CHSY3: variants seen among roughly 807,000 people sequenced by gnomAD.
CHSY3 encodes chondroitin sulfate synthase 3, also known as N-acetylgalactosaminyl-proteoglycan 3-beta-glucuronosyltransferase 3.
CHSY3 carries 35 observed loss-of-function variants against 67.2 expected under a neutral mutation model. That is an observed-to-expected ratio of 0.52 (90% CI 0.40 to 0.69). CHSY3 has a LOEUF of 0.69. CHSY3 is among the 30% of genes least tolerant of loss of function. The pLI is 0.00. For synonymous variants in CHSY3, 474 were observed against 434.7 expected (o/e 1.09, Z -1.12); for missense variants, 1,069 against 1,138.5 (o/e 0.94, Z 0.88).
intron 2 of CHSY3, among the ~76,000 whole-genome samples, chr5:130,183,760 G>A (rs1370100214): frequency 2.0e-5 from 3 of 152,078 alleles, no homozygotes; most frequent in African/African-American, 4.8e-5. Context: ...GCTGGAGAGA[G>A]GGGTTGGGGA....
intron 2 of CHSY3, among the ~76,000 whole-genome samples, chr5:129,932,961 T>C (rs1761364962): frequency 6.6e-6 from 1 of 152,192 alleles, no homozygotes; most frequent in African/African-American, 2.4e-5. Flanking sequence ...AGCTAGTTTA[T>C]CACCTTGCTT....
chr5:130,011,210 A>G (rs1030872530), intron 2 of CHSY3, among the ~76,000 whole-genome samples: 1 of 152,204 alleles, frequency 6.6e-6, no homozygotes, highest in Non-Finnish European at 1.5e-5. Context: ...ATGGGCCTAG[A>G]TGCAGAAGTG....
intron 2 of CHSY3, among the ~76,000 whole-genome samples, chr5:130,123,188 A>G (rs113233448): frequency 0.012 from 1,790 of 152,318 alleles, 24 homozygotes; most frequent in African/African-American, 0.039. Flanking sequence ...AAATAAAACT[A>G]TAGTAATTTG....
At chr5:130,136,299 C>T (rs1347506066) in intron 2 of CHSY3, among the ~76,000 whole-genome samples, 1 of 152,144 alleles carries the variant, frequency 6.6e-6, no homozygotes, top group Non-Finnish European at 1.5e-5. Flanking sequence ...AGGCAAAAAT[C>T]AGCATAATGT....
intron 2 of CHSY3, among the ~76,000 whole-genome samples, chr5:130,012,267 G>GT (rs1157661937): frequency 6.6e-6 from 1 of 152,102 alleles, no homozygotes; most frequent in Non-Finnish European, 1.5e-5. Flanking sequence ...ACTGGGACAG[G>GT]TTAAATAACC....
At chr5:130,070,104 A>G (rs1766010811) in intron 2 of CHSY3, among the ~76,000 whole-genome samples, 1 of 152,084 alleles carries the variant, frequency 6.6e-6, no homozygotes, top group African/African-American at 2.4e-5. Flanking sequence ...ACATAATGAA[A>G]AATCAGATCT....
At chr5:130,119,042 G>T (rs142600994) in intron 2 of CHSY3, among the ~76,000 whole-genome samples, 1 of 152,120 alleles carries the variant, frequency 6.6e-6, no homozygotes, top group Non-Finnish European at 1.5e-5. Flanking sequence ...TGACTTAGAG[G>T]CAAAGGATAT....
chr5:130,015,370 C>T (rs1462214161), intron 2 of CHSY3, among the ~76,000 whole-genome samples: 1 of 151,902 alleles, frequency 6.6e-6, no homozygotes, highest in African/African-American at 2.4e-5. Context: ...TGGACTAATA[C>T]AGGAACTTAA....
At chr5:130,002,272 G>A (rs1248747225) in intron 2 of CHSY3, 1 of 153,880 alleles carries the variant, frequency 6.5e-6, no homozygotes, top group African/African-American at 2.4e-5. Context: ...AGGCATGGCT[G>A]CCTCGGATCC....
At chr5:130,172,658 T>G (rs758479091) in intron 2 of CHSY3, among the ~76,000 whole-genome samples, 5 of 152,204 alleles carry the variant, frequency 3.3e-5, no homozygotes, top group Non-Finnish European at 5.9e-5. Flanking sequence ...AGTGTACAAT[T>G]CAGTAGTATC....
chr5:130,124,857 A>C (rs1333430236), intron 2 of CHSY3, among the ~76,000 whole-genome samples: 9 of 152,206 alleles, frequency 5.9e-5, no homozygotes. Context: ...ATAATAAAAA[A>C]AGAGTTAAAA....
chr5:130,143,806 G>A (rs867819921), intron 2 of CHSY3, among the ~76,000 whole-genome samples: 928 of 41,012 alleles, frequency 0.023, 18 homozygotes, highest in East Asian at 0.046. Context: ...ATATATATAT[G>A]TGTGTATATA....
chr5:130,100,581 A>T (rs1168212687), intron 2 of CHSY3, among the ~76,000 whole-genome samples: 1 of 152,170 alleles, frequency 6.6e-6, no homozygotes, highest in Non-Finnish European at 1.5e-5. Flanking sequence ...TTGAAATGAC[A>T]AAGTCAAATT....
chr5:130,164,657 T>C lies in CHSY3; in HGVS notation c.1087-19572T>C, dbSNP rs149536332. Among the ~76,000 whole-genome samples, 619 of 152,210 alleles carry C rather than the reference T, an allele frequency of 4.1e-3. 7 individuals are homozygous for C. Among genetic ancestry groups the C allele is most frequent in the South Asian group, 0.035 (168 of 4,816 alleles). On this transcript the variant is annotated intron_variant, in intron 2 of 2. Transcript: ENST00000305031. ...TGTGATGTGCATTGAGTCTCTCTTCTCAGACAGCTCTGCCCTGCACCATTT... is the reference window on the plus strand; with the variant it reads ...TGTGATGTGCATTGAGTCTCTCTTCCCAGACAGCTCTGCCCTGCACCATTT...
intron 2 of CHSY3, among the ~76,000 whole-genome samples, chr5:129,941,844 G>A (rs1025156764): frequency 6.6e-6 from 1 of 152,084 alleles, no homozygotes; most frequent in African/African-American, 2.4e-5. Flanking sequence ...CAGACCTCTG[G>A]AACTTCTGAC....
At chr5:129,957,338 T>G (rs1055263010) in intron 2 of CHSY3, among the ~76,000 whole-genome samples, 21 of 147,800 alleles carry the variant, frequency 1.4e-4, no homozygotes, top group African/African-American at 4.8e-4. Flanking sequence ...TTTGCTGAAA[T>G]TGTTTTTCAG....
chr5:130,121,758 C>A (rs914883389), intron 2 of CHSY3, among the ~76,000 whole-genome samples: 2 of 152,092 alleles, frequency 1.3e-5, no homozygotes, highest in Admixed American at 6.5e-5. Context: ...ACAATGAGGG[C>A]AAGCACATTA....
intron 2 of CHSY3, among the ~76,000 whole-genome samples, chr5:130,113,533 G>A (rs1202019167): frequency 6.6e-6 from 1 of 152,096 alleles, no homozygotes. Flanking sequence ...TAAAAATATA[G>A]ACGTAACAGT....
chr5:129,960,240 A>G lies in CHSY3; in HGVS notation c.1086+51880A>G, dbSNP rs376251116. Reference sequence around the variant, plus strand: ...TGGTAGAGTTTGGCATGAAGCAGACATTCACTTAATGTGGTTGAATGAATA... The same window carrying G: ...TGGTAGAGTTTGGCATGAAGCAGACGTTCACTTAATGTGGTTGAATGAATA... On this transcript the variant is annotated intron_variant, in intron 2 of 2. Coordinates refer to ENST00000305031, the MANE Select transcript of CHSY3 (RefSeq NM_175856.5). Among the ~76,000 whole-genome samples, 10 of 152,194 alleles carry G rather than the reference A, an allele frequency of 6.6e-5. No homozygotes were observed. In the South Asian group the frequency reaches 1.2e-3, roughly 19 times the overall value.
Sources: gnomAD v4.1 joint callset for allele counts (sites outside exome capture counted in the v4.1 genomes callset) on GRCh38, gnomAD v4.1.1 for gene constraint, MANE v1.5 for transcripts, NCBI Gene and HGNC (gene_info 2026-07-23, HGNC 2026-07-21) for gene names.